The following SIPA1L3 variants were observed in gnomAD, a reference collection of about 807,000 sequenced individuals.
The protein encoded by SIPA1L3 is signal-induced proliferation-associated 1-like protein 3.
In SIPA1L3, 59 loss-of-function variants were observed where a neutral mutation model predicts 150.1. The ratio of observed to expected loss-of-function variants is 0.39; its 90% CI spans 0.32 to 0.49. SIPA1L3 has a LOEUF of 0.49. SIPA1L3 is among the 20% of genes least tolerant of loss of function. SIPA1L3 has a pLI of 0.86. For synonymous variants in SIPA1L3, 1,070 were observed against 1,077.6 expected (o/e 0.99, Z 0.14); for missense variants, 2,211 against 2,489.5 (o/e 0.89, Z 2.38).
intron 1 of SIPA1L3, among the ~76,000 whole-genome samples, chr19:37,965,593 C>T (rs1037205980): frequency 2.6e-5 from 4 of 152,112 alleles, no homozygotes; most frequent in Non-Finnish European, 5.9e-5. Context: ...GGATTACAGG[C>T]GTGAGCCACT....
At chr19:37,908,371 A>T (rs970982830) in intron 1 of SIPA1L3, among the ~76,000 whole-genome samples, 7 of 152,306 alleles carry the variant, frequency 4.6e-5, no homozygotes, top group Middle Eastern at 3.4e-3. Flanking sequence ...GCTCTTATGT[A>T]TTATAATTGT....
At chr19:38,088,652 G>A in intron 3 of SIPA1L3, 69 bp from the exon 4 acceptor site, 1 of 1,571,542 alleles carries the variant, frequency 6.4e-7, no homozygotes, top group Non-Finnish European at 8.6e-7. Flanking sequence ...CTGTCTGCAG[G>A]CCTGCTGGGC....
chr19:38,178,332 G>A (rs1014829782), intron 15 of SIPA1L3, among the ~76,000 whole-genome samples: 11 of 151,502 alleles, frequency 7.3e-5, no homozygotes, highest in African/African-American at 2.4e-4. Context: ...GCAAGACCCC[G>A]TCCCTAGATA....
At chr19:38,177,982 C>G (rs1456712616) in intron 15 of SIPA1L3, among the ~76,000 whole-genome samples, 2 of 150,400 alleles carry the variant, frequency 1.3e-5, no homozygotes, top group African/African-American at 4.9e-5. Flanking sequence ...GAGCCGAGAT[C>G]ACACCACTGC....
intron 21 of SIPA1L3, among the ~76,000 whole-genome samples, 186 bp from the exon 22 acceptor site, chr19:38,205,911 A>G (rs1973199357): frequency 6.6e-6 from 1 of 152,202 alleles, no homozygotes; most frequent in Admixed American, 6.5e-5. Flanking sequence ...TGCGGGAACC[A>G]AGTGACTTGC....
chr19:37,991,906 C>T (rs1390193960), intron 1 of SIPA1L3, among the ~76,000 whole-genome samples: 6 of 152,238 alleles, frequency 3.9e-5, no homozygotes, highest in African/African-American at 1.4e-4. Flanking sequence ...CCACCCTGCA[C>T]TAGCTGCATG....
intron 1 of SIPA1L3, among the ~76,000 whole-genome samples, chr19:38,007,540 A>T (rs1967981690): frequency 6.6e-6 from 1 of 151,380 alleles, no homozygotes; most frequent in Admixed American, 6.6e-5. Flanking sequence ...ATGTGAGGAG[A>T]ATATAGGTTT....
intron 1 of SIPA1L3, among the ~76,000 whole-genome samples, chr19:37,976,869 C>T (rs1489534630): frequency 3.3e-5 from 5 of 152,178 alleles, no homozygotes; most frequent in Admixed American, 3.3e-4. Context: ...GGGTCTCACT[C>T]TGTCACCTAG....
chr19:37,920,285 T>C (rs1390193022), intron 1 of SIPA1L3, among the ~76,000 whole-genome samples: 1 of 152,052 alleles, frequency 6.6e-6, no homozygotes, highest in Non-Finnish European at 1.5e-5. Flanking sequence ...TCTTGAACTC[T>C]TGGACTCAAG....
At chr19:37,928,154 G>C (rs1171412232) in intron 1 of SIPA1L3, among the ~76,000 whole-genome samples, 1 of 152,122 alleles carries the variant, frequency 6.6e-6, no homozygotes, top group Non-Finnish European at 1.5e-5. Context: ...TTCCCCAGTG[G>C]CTGAGCTAAT....
chr19:38,067,448 TGGA>T (rs1267503849), intron 2 of SIPA1L3, among the ~76,000 whole-genome samples: 1 of 152,026 alleles, frequency 6.6e-6, no homozygotes. Flanking sequence ...TTCTGGATGC[TGGA>T]GGAGATTTGT....
rs974825674 is a variant in SIPA1L3 at position 37,907,274 on chromosome 19, C to A, written c.-463C>A. On this transcript the variant is annotated 5_prime_UTR_variant, in exon 1 of 22. Transcript: ENST00000222345. Reference sequence around the variant, plus strand: ...GCAGCCTGGAAGTCACTCGGGCCACCGGAGCTGGCGGCGTCTCCAGCGAGC... The same window carrying A: ...GCAGCCTGGAAGTCACTCGGGCCACAGGAGCTGGCGGCGTCTCCAGCGAGC... The A allele has an allele frequency of 6.6e-6, 1 of 152,536 alleles. No individual in the cohort carries two copies. The highest frequency in any genetic ancestry group is 6.5e-5 in the Admixed American group (1 of 15,288). 9.4% of individuals were successfully genotyped at this position (152,536 alleles called of 1,614,324 possible).
intron 1 of SIPA1L3, among the ~76,000 whole-genome samples, chr19:38,000,051 T>A (rs1967745203): frequency 6.6e-6 from 1 of 152,198 alleles, no homozygotes; most frequent in Non-Finnish European, 1.5e-5. Flanking sequence ...GATTTAAGGA[T>A]TAAATTAGAT....
chr19:38,039,928 C>A (rs1402071281), intron 2 of SIPA1L3, among the ~76,000 whole-genome samples: 1 of 151,952 alleles, frequency 6.6e-6, no homozygotes, highest in Non-Finnish European at 1.5e-5. Context: ...CCAGCCAGGG[C>A]AACATAGCAA....
At chr19:37,967,887 G>A (rs891282132) in intron 1 of SIPA1L3, among the ~76,000 whole-genome samples, 2 of 152,052 alleles carry the variant, frequency 1.3e-5, no homozygotes, top group Non-Finnish European at 1.5e-5. Context: ...TCAAACTCCC[G>A]AGCTCAAGCG....
intron 15 of SIPA1L3, among the ~76,000 whole-genome samples, chr19:38,178,936 T>G (rs975718669): frequency 6.6e-6 from 1 of 152,252 alleles, no homozygotes; most frequent in Non-Finnish European, 1.5e-5. Flanking sequence ...TGATAGATGT[T>G]GCTAAATTGT....
chr19:38,152,977 C>T lies in SIPA1L3; in HGVS notation c.3661+10C>T. 1 of 1,610,562 alleles carries T rather than the reference C, an allele frequency of 6.2e-7. No homozygotes were observed. On this transcript the variant is annotated intron_variant, in intron 13 of 21. Coordinates refer to ENST00000222345, the MANE Select transcript of SIPA1L3 (RefSeq NM_015073.3). ...GAACGCCAGAAGCCAGGTAGGGCCC[C>T]CACCAGCTGCTGCGCCCACCCGCCT...
At chr19:38,057,396 C>T (rs1338261637) in intron 2 of SIPA1L3, among the ~76,000 whole-genome samples, 2 of 151,420 alleles carry the variant, frequency 1.3e-5, no homozygotes, top group Non-Finnish European at 2.9e-5. Flanking sequence ...AACAGATTTT[C>T]GAAAACCACT....
intron 1 of SIPA1L3, among the ~76,000 whole-genome samples, chr19:37,917,567 T>C (rs1039331600): frequency 6.6e-6 from 1 of 152,078 alleles, no homozygotes; most frequent in African/African-American, 2.4e-5. Context: ...TGCTCAAAGT[T>C]GGGAAGTGGC....
Sources: allele counts gnomAD v4.1 joint callset (sites outside exome capture counted in the v4.1 genomes callset), GRCh38; gene constraint gnomAD v4.1.1; transcripts MANE v1.5; gene names NCBI Gene and HGNC (gene_info 2026-07-23, HGNC 2026-07-21).